Variants in ENTPD4 observed in about 807,000 individuals in gnomAD.
ENTPD4 encodes Golgi UDPase.
Under a neutral mutation model 79.1 loss-of-function variants are expected in ENTPD4, and 60 were observed. The ratio of observed to expected loss-of-function variants is 0.76; its 90% CI spans 0.62 to 0.94. The LOEUF (loss-of-function observed/expected upper bound fraction) is 0.94, where lower values mean the gene tolerates loss of function less well. Among genes scored for constraint, ENTPD4 ranks in the 40% least tolerant of loss-of-function variants. The pLI is 0.00. For missense variants in ENTPD4, 772 were observed against 775.1 expected (o/e 1.00, Z 0.05); for synonymous variants, 276 against 292.0 (o/e 0.95, Z 0.56).
At chr8:23,448,139 T>C (rs549896470) in intron 3 of ENTPD4, among the ~76,000 whole-genome samples, 1 of 152,228 alleles carries the variant, frequency 6.6e-6, no homozygotes, top group African/African-American at 2.4e-5. Flanking sequence ...ATTCTATTTC[T>C]AAACTACCAA....
chr8:23,440,257 GAC>G (rs1194764137), intron 8 of ENTPD4, among the ~76,000 whole-genome samples: 1 of 152,190 alleles, frequency 6.6e-6, no homozygotes, highest in East Asian at 1.9e-4. Context: ...GTCATTCTGT[GAC>G]AGAAAAAACT....
At chr8:23,439,151 GT>G (rs1800624736) in intron 9 of ENTPD4, among the ~76,000 whole-genome samples, 1 of 152,082 alleles carries the variant, frequency 6.6e-6, no homozygotes, top group African/African-American at 2.4e-5. Flanking sequence ...ATAGAGTGCT[GT>G]TTTGTTTTAT....
chr8:23,436,637 TAGG>T (rs1800566032), intron 10 of ENTPD4, among the ~76,000 whole-genome samples: 1 of 152,126 alleles, frequency 6.6e-6, no homozygotes, highest in Non-Finnish European at 1.5e-5. Context: ...GGAAGGCTAG[TAGG>T]AGAATTGTCA....
At chr8:23,433,574 G>A (rs375206503) in intron 12 of ENTPD4, among the ~76,000 whole-genome samples, 2 of 152,144 alleles carry the variant, frequency 1.3e-5, no homozygotes, top group African/African-American at 2.4e-5. Context: ...CATCTATCAG[G>A]TAACTCAGGT....
At position 23,432,113 on chromosome 8, in the gene ENTPD4, A is replaced by T. The variant is rs2117270671; in HGVS notation, c.*813T>A. ...TCTCTGTTTTGGATATAAATGGTTTAAAAAATTTAAATTTGCAAAGAAAAC... is the reference window on the plus strand; with the variant it reads ...TCTCTGTTTTGGATATAAATGGTTTTAAAAATTTAAATTTGCAAAGAAAAC... On this transcript the variant is annotated 3_prime_UTR_variant, in exon 13 of 13. Coordinates refer to ENST00000358689, the MANE Select transcript of ENTPD4 (RefSeq NM_004901.5). The T allele has an allele frequency of 4.1e-6, 4 of 984,906 alleles. No homozygotes were observed. Among genetic ancestry groups the T allele is most frequent in the South Asian group, 4.7e-5 (1 of 21,274 alleles). The allele number at this position is 984,906 out of a possible 1,614,324, so 61.0% of individuals were successfully genotyped here. A position where few individuals can be genotyped will look rare whatever the true frequency, so the allele number is the denominator to read the frequency against.
Position 23,449,975 on chromosome 8 carries a change from G to C in ENTPD4, c.-75C>G. On this transcript the variant is annotated 5_prime_UTR_variant, in exon 2 of 13. Coordinates refer to ENST00000358689, the MANE Select transcript of ENTPD4 (RefSeq NM_004901.5). ...AAACAATTATAGAAATAATGCTGGG[G>C]TCCTCACGGAGTTAGAGCCCTCCTG... The C allele has an allele frequency of 3.1e-6, 5 of 1,603,652 alleles. 1 individual carries two copies. In the South Asian group the frequency reaches 5.5e-5, roughly 18 times the overall value.
intron 6 of ENTPD4, among the ~76,000 whole-genome samples, chr8:23,442,439 A>C (rs1190273435): frequency 6.6e-6 from 1 of 152,220 alleles, no homozygotes; most frequent in Non-Finnish European, 1.5e-5. Context: ...TAATCCCAGC[A>C]CTTTGTGAGG....
At chr8:23,438,277 T>C (rs752560657) in intron 9 of ENTPD4, among the ~76,000 whole-genome samples, 4 of 152,216 alleles carry the variant, frequency 2.6e-5, no homozygotes, top group African/African-American at 4.8e-5. Context: ...ATGGTCAGAA[T>C]TCAATATTCA....
intron 4 of ENTPD4, among the ~76,000 whole-genome samples, chr8:23,446,425 G>A (rs999985275): frequency 1.3e-5 from 2 of 152,122 alleles, no homozygotes; most frequent in African/African-American, 2.4e-5. Context: ...TACTTTAACT[G>A]AAAATGTTTC....
rs375242682 is a variant in ENTPD4 at position 23,433,021 on chromosome 8, G to A, written c.1756C>T (p.Arg586Trp). The change falls in exon 13 of 13, where the codon CGG becomes TGG. Residue 586 changes from arginine (R) to tryptophan (W), a missense_variant. Arg to Trp is a moderately radical substitution (Grantham distance 101). Coordinates refer to ENST00000358689, the MANE Select transcript of ENTPD4 (RefSeq NM_004901.5). ...LAILLYLLRL[R>W]RIHRRTPRSS... ...CGGGGAGTGCGCCTGTGGATGCGCC[G>A]CAGCCGCAGCAGGTACAGCAGGATG... The A allele has an allele frequency of 1.6e-5, 26 of 1,613,912 alleles. No individual in the cohort carries two copies. Among genetic ancestry groups the A allele is most frequent in the African/African-American group, 9.3e-5 (7 of 74,930 alleles).
chr8:23,440,529 AT>A (rs1420404101), intron 8 of ENTPD4, among the ~76,000 whole-genome samples: 1 of 152,078 alleles, frequency 6.6e-6, no homozygotes, highest in East Asian at 1.9e-4. Flanking sequence ...ATTTCTATGT[AT>A]TTTTTACTTT....
In ENTPD4 at chr8:23,432,075, T is replaced by A; in HGVS notation, c.*851A>T. 2 of 985,376 alleles carry A rather than the reference T, an allele frequency of 2.0e-6. No individual in the cohort carries two copies. The highest frequency in any genetic ancestry group is 2.4e-6 in the Non-Finnish European group (2 of 829,882). 61.0% of individuals were successfully genotyped at this position (985,376 alleles called of 1,614,324 possible). On this transcript the variant is annotated 3_prime_UTR_variant, in exon 13 of 13. Transcript: ENST00000358689. Reference sequence around the variant, plus strand: ...ATCACTTTTATAAATGGTTATCTCCTGGTGCCCATGTTTCTCTGTTTTGGA... The same window carrying A: ...ATCACTTTTATAAATGGTTATCTCCAGGTGCCCATGTTTCTCTGTTTTGGA...
rs1363688188 is a variant in ENTPD4, at chr8:23,437,179, T to G, written c.1129A>C (p.Ile377Leu). 6.2e-7 allele frequency: 1 copy of G among 1,614,182 alleles called. No individual in the cohort carries two copies. Among genetic ancestry groups the G allele is most frequent in the South Asian group, 1.1e-5 (1 of 91,084 alleles). The change falls in exon 10 of 13, where the codon ATC (isoleucine) becomes CTC (leucine). Residue 377 changes from isoleucine (I) to leucine (L), a missense_variant. By Grantham distance (5) the Ile-to-Leu change is conservative. Coordinates refer to ENST00000358689, the MANE Select transcript of ENTPD4 (RefSeq NM_004901.5). ...PCLPLDIKDE[I>L]QQNGQTIYLR... Reference sequence around the variant, plus strand: ...TATATGGTTTGTCCATTTTGCTGGATTTCATCTTTAATGTCTAGGGGTAGG... The same window carrying G: ...TATATGGTTTGTCCATTTTGCTGGAGTTCATCTTTAATGTCTAGGGGTAGG...
intron 6 of ENTPD4, 37 bp downstream of exon 6, chr8:23,443,813 G>T: frequency 7.7e-7 from 1 of 1,304,026 alleles, no homozygotes; most frequent in Non-Finnish European, 1.1e-6. Flanking sequence ...TAAAGGAACA[G>T]CTTCCCAAAT....
In ENTPD4 at chr8:23,433,026, C is replaced by T. The variant is rs971814133; in HGVS notation, c.1751G>A (p.Arg584Gln). The T allele has an allele frequency of 4.3e-6, 7 of 1,613,918 alleles. No individual in the cohort carries two copies. In the Admixed American group the frequency reaches 8.3e-5, roughly 19 times the overall value. The change falls in exon 13 of 13, where the codon CGG (arginine) becomes CAG (glutamine). Residue 584 changes from arginine to glutamine, a missense_variant. Physicochemically the swap from Arg to Gln is conservative, Grantham distance 43 (BLOSUM62 1). Coordinates refer to ENST00000358689, the MANE Select transcript of ENTPD4 (RefSeq NM_004901.5). Reference protein sequence around the residue: ...VLLAILLYLLRLRRIHRRTPR... With the variant: ...VLLAILLYLLQLRRIHRRTPR... ...AGTGCGCCTGTGGATGCGCCGCAGC[C>T]GCAGCAGGTACAGCAGGATGGCCAG...
Position 23,444,538 on chromosome 8 carries a change from C to T in ENTPD4, c.481G>A (p.Ala161Thr), listed in dbSNP as rs1445680287. Reference sequence around the variant, plus strand: ...TGTTTTGCCCGTGGCACATGCTCTGCAGCAAAGTTCAAAAGTGGAGAAATG... The same window carrying T: ...TGTTTTGCCCGTGGCACATGCTCTGTAGCAAAGTTCAAAAGTGGAGAAATG... ...DYISPLLNFA[A>T]EHVPRAKHKE... Residue 161 changes from alanine (A) to threonine (T), a missense_variant, in exon 5 of 13, where the codon GCA (alanine) becomes ACA (threonine). Transcript: ENST00000358689. 6.2e-7 allele frequency: 1 copy of T among 1,614,146 alleles called. No individual in the cohort carries two copies. Among genetic ancestry groups the T allele is most frequent in the African/African-American group, 1.3e-5 (1 of 75,046 alleles).
At chr8:23,445,237 T>C (rs1800745746) in intron 4 of ENTPD4, among the ~76,000 whole-genome samples, 1 of 152,114 alleles carries the variant, frequency 6.6e-6, no homozygotes, top group African/African-American at 2.4e-5. Context: ...TTGGTTCCTC[T>C]CACATGACTT....
chr8:23,456,107 G>T (rs1800953237), intron 1 of ENTPD4, among the ~76,000 whole-genome samples: 1 of 152,152 alleles, frequency 6.6e-6, no homozygotes, highest in African/African-American at 2.4e-5. Flanking sequence ...GGAAGGCCAT[G>T]GATCAACACC....
intron 4 of ENTPD4, 118 bp from the exon 5 acceptor site, chr8:23,444,724 C>A (rs1800735984): frequency 1.0e-5 from 9 of 858,400 alleles, no homozygotes; most frequent in Non-Finnish European, 1.7e-5. Flanking sequence ...CTTAGTTTTT[C>A]CTATCCTTCT....
Sources: gnomAD v4.1 joint callset for allele counts (sites outside exome capture counted in the v4.1 genomes callset) on GRCh38, gnomAD v4.1.1 for gene constraint, MANE v1.5 for transcripts, NCBI Gene and HGNC (gene_info 2026-07-23, HGNC 2026-07-21) for gene names.